Variants in C2orf42 observed in about 807,000 individuals in gnomAD.
The protein encoded by C2orf42 is chromosome 2 open reading frame 42.
A neutral mutation model predicts 58.9 loss-of-function variants in C2orf42; 44 were observed. That is an observed-to-expected ratio of 0.75 (90% CI 0.59 to 0.96). The LOEUF (loss-of-function observed/expected upper bound fraction) is 0.96, where lower values mean the gene tolerates loss of function less well. C2orf42 is among the 40% of genes least tolerant of loss of function. The probability of loss-of-function intolerance (pLI) is 0.00; values close to 1 mark genes in which losing one functional copy is unlikely to be tolerated. For synonymous variants in C2orf42, 239 were observed against 265.4 expected, an observed-to-expected ratio of 0.90 and a Z score of 0.97; for missense variants, 630 against 699.2, an observed-to-expected ratio of 0.90 and a Z score of 1.12.
At chr2:70,163,229 C>T (rs1558661038) in intron 8 of C2orf42, among the ~76,000 whole-genome samples, 1 of 151,334 alleles carries the variant, frequency 6.6e-6, no homozygotes, top group Admixed American at 6.6e-5. Flanking sequence ...TTTTCAGGAT[C>T]TACTTGAAAA....
intron 9 of C2orf42, among the ~76,000 whole-genome samples, chr2:70,159,919 C>T (rs1044181259): frequency 6.6e-6 from 1 of 152,004 alleles, no homozygotes; most frequent in Non-Finnish European, 1.5e-5. Context: ...ATTTCCATAA[C>T]TGGAAATAAC....
chr2:70,187,158 G>A (rs904664022), intron 1 of C2orf42, among the ~76,000 whole-genome samples: 2 of 152,114 alleles, frequency 1.3e-5, no homozygotes, highest in African/African-American at 4.8e-5. Flanking sequence ...ATTAAGGGAG[G>A]AGGTGGTTTG....
In C2orf42 at chr2:70,181,506, C is replaced by A; in HGVS notation, c.480G>T (p.Gln160His). 1.9e-6 allele frequency: 3 copies of A among 1,613,538 alleles called. No homozygotes were observed. The highest frequency in any genetic ancestry group is 2.5e-6 in the Non-Finnish European group (3 of 1,180,024). ...TGGTCTGTTTGGTTTCCGGGGAGGC[C>A]TGCATTGCATTCAGGACCGAGCTCT... ...TLKSSVLNAM[Q>H]ASPETKQTIW... is the part of the protein sequence containing the mutation. The change falls in exon 3 of 10, where the codon CAG becomes CAT. Residue 160 changes from glutamine (Q) to histidine (H), a missense_variant. Coordinates refer to ENST00000264434, the MANE Select transcript of C2orf42 (RefSeq NM_017880.3).
At chr2:70,156,377 T>C (rs925910891) in intron 9 of C2orf42, among the ~76,000 whole-genome samples, 1 of 152,030 alleles carries the variant, frequency 6.6e-6, no homozygotes, top group African/African-American at 2.4e-5. Flanking sequence ...TCCCACCTCC[T>C]TGGGAGGCAG....
intron 5 of C2orf42, among the ~76,000 whole-genome samples, chr2:70,174,810 A>G (rs1173598504): frequency 1.3e-5 from 2 of 152,014 alleles, no homozygotes; most frequent in African/African-American, 4.8e-5. Flanking sequence ...AGCTGGGATT[A>G]CAGACGTCTG....
rs200580709 is a variant in C2orf42, at chr2:70,160,658, G to A, written c.1483C>T (p.Arg495Ter). 4.4e-6 allele frequency: 7 copies of A among 1,608,608 alleles called. No individual in the cohort carries two copies. Among genetic ancestry groups the A allele is most frequent in the East Asian group, 2.2e-5 (1 of 44,810 alleles). The change falls in exon 9 of 10, where the codon CGA becomes TGA. Residue 495 changes from arginine to a stop codon, truncating the protein, a stop_gained. Coordinates refer to ENST00000264434, the MANE Select transcript of C2orf42 (RefSeq NM_017880.3). LOFTEE classifies it high-confidence loss of function. ...AGAAAAGTTTTTAGTTCCAAGGGTC[G>A]CAGCACTGGTTGTTTTTCTATACGA... ...YGRIEKQPVL[R>*]PLELKTFLKV...
At chr2:70,187,305 C>A (rs1675009432) in intron 1 of C2orf42, among the ~76,000 whole-genome samples, 1 of 152,172 alleles carries the variant, frequency 6.6e-6, no homozygotes. Context: ...GGCTGGAGTG[C>A]AATGACGCAA....
intron 9 of C2orf42, among the ~76,000 whole-genome samples, chr2:70,152,894 G>A (rs903131867): frequency 1.1e-4 from 16 of 152,088 alleles, no homozygotes; most frequent in African/African-American, 2.4e-4. Flanking sequence ...TTAGCCAGGC[G>A]TGGTGGCACG....
intron 5 of C2orf42, among the ~76,000 whole-genome samples, chr2:70,170,556 C>T (rs917409385): frequency 3.3e-5 from 5 of 151,966 alleles, no homozygotes; most frequent in African/African-American, 1.2e-4. Context: ...GAATTCAAGA[C>T]CAGGCTGGCC....
intron 8 of C2orf42, among the ~76,000 whole-genome samples, chr2:70,162,333 CTTTT>C (rs77412192): frequency 0.19 from 28,429 of 148,720 alleles, 3,612 homozygotes; most frequent in African/African-American, 0.38. Flanking sequence ...TTCTTTCTTT[CTTTT>C]TATTTTTTTA....
intron 9 of C2orf42, 79 bp from the exon 10 acceptor site, chr2:70,150,643 A>C: frequency 1.0e-6 from 1 of 982,340 alleles, no homozygotes; most frequent in Non-Finnish European, 1.6e-6. Context: ...AGTGTCCGGA[A>C]TTGGAGCAGC....
At position 70,165,597 on chromosome 2, in the gene C2orf42, A is replaced by T; in HGVS notation, c.1183T>A (p.Phe395Ile). ...ATTCTTTGTTGCAGGGCATCAAAAA[A>T]TGACTGAGGAATGTGGAACACCAAT... ...EPLVFHIPQS[F>I]FDALQQRISI... is the part of the protein sequence containing the mutation. The change falls in exon 7 of 10, where the codon TTT (phenylalanine) becomes ATT (isoleucine). Residue 395 changes from phenylalanine (F) to isoleucine (I), a missense_variant. Coordinates refer to ENST00000264434, the MANE Select transcript of C2orf42 (RefSeq NM_017880.3). 1 of 1,612,908 alleles carries T rather than the reference A, an allele frequency of 6.2e-7. No homozygotes were observed. The highest frequency in any genetic ancestry group is 8.5e-7 in the Non-Finnish European group (1 of 1,178,910).
chr2:70,173,729 A>G (rs111342152), intron 5 of C2orf42, among the ~76,000 whole-genome samples: 27 of 152,000 alleles, frequency 1.8e-4, no homozygotes, highest in African/African-American at 6.5e-4. Flanking sequence ...CAATCTTCTC[A>G]CCTCAGCCTC....
At chr2:70,189,406 CAAAA>C (rs1182514916) in intron 1 of C2orf42, among the ~76,000 whole-genome samples, 20 of 27,126 alleles carry the variant, frequency 7.4e-4, no homozygotes, top group South Asian at 1.7e-3. Context: ...AACTCCATCT[CAAAA>C]AAAAAAAAAA....
intron 1 of C2orf42, among the ~76,000 whole-genome samples, chr2:70,186,282 G>A (rs1047483724): frequency 2.6e-5 from 4 of 151,384 alleles, no homozygotes; most frequent in African/African-American, 4.9e-5. Flanking sequence ...GCAAAGCTAC[G>A]ATACGACATA....
At chr2:70,158,753 T>C (rs909709914) in intron 9 of C2orf42, among the ~76,000 whole-genome samples, 1 of 151,558 alleles carries the variant, frequency 6.6e-6, no homozygotes, top group South Asian at 2.1e-4. Context: ...CGGCCACGCC[T>C]GGCTAATTTT....
chr2:70,160,187 T>C (rs1672963338), intron 9 of C2orf42, among the ~76,000 whole-genome samples: 1 of 151,224 alleles, frequency 6.6e-6, no homozygotes, highest in Non-Finnish European at 1.5e-5. Flanking sequence ...CCGCCCAGGC[T>C]GGAGTGCAGT....
In C2orf42 at chr2:70,175,782, A is replaced by G; in HGVS notation, c.935-5T>C. On this transcript the variant is annotated splice_region_variant and splice_polypyrimidine_tract_variant and intron_variant, in intron 4 of 9. Coordinates refer to ENST00000264434, the MANE Select transcript of C2orf42 (RefSeq NM_017880.3). ...GTGAACTGTTCATCTGTGCACCTAAACCACAAATCATTACAGGTTTAACAA... is the reference window on the plus strand; with the variant it reads ...GTGAACTGTTCATCTGTGCACCTAAGCCACAAATCATTACAGGTTTAACAA... The G allele has an allele frequency of 2.0e-6, 3 of 1,531,312 alleles. No homozygotes were observed. The highest frequency in any genetic ancestry group is 2.7e-6 in the Non-Finnish European group (3 of 1,104,844). 94.9% of individuals were successfully genotyped at this position (1,531,312 alleles called of 1,614,324 possible). A position where few individuals can be genotyped will look rare whatever the true frequency, so the allele number is the denominator to read the frequency against.
Position 70,150,273 on chromosome 2 carries a change from C to T in C2orf42, c.*83G>A. 7.6e-6 allele frequency: 9 copies of T among 1,176,580 alleles called. No individual in the cohort carries two copies. The highest frequency in any genetic ancestry group is 1.2e-5 in the South Asian group (1 of 80,718). 72.9% of individuals were successfully genotyped at this position (1,176,580 alleles called of 1,614,324 possible). A position where few individuals can be genotyped will look rare whatever the true frequency, so the allele number is the denominator to read the frequency against. ...GCAGTTTACCAAGGAACAGGGCCAT[C>T]TAAGTGCCTAACTAGCATTTAAAGT... On this transcript the variant is annotated 3_prime_UTR_variant, in exon 10 of 10. Transcript: ENST00000264434.
Sources: allele counts gnomAD v4.1 joint callset (sites outside exome capture counted in the v4.1 genomes callset), GRCh38; gene constraint gnomAD v4.1.1; transcripts MANE v1.5; gene names NCBI Gene and HGNC (gene_info 2026-07-23, HGNC 2026-07-21).